Variants in THRB observed in about 807,000 individuals in gnomAD.
The protein encoded by THRB is nuclear receptor subfamily 1 group A member 2.
In THRB, 12 loss-of-function variants were observed where a neutral mutation model predicts 47.8. The ratio of observed to expected loss-of-function variants is 0.25; its 90% CI spans 0.16 to 0.41. The LOEUF (loss-of-function observed/expected upper bound fraction) is 0.41, where lower values mean the gene tolerates loss of function less well. THRB is among the 10% of genes least tolerant of loss of function. The pLI is 1.00. For synonymous variants in THRB, 218 were observed against 212.2 expected, an observed-to-expected ratio of 1.03 and a Z score of -0.24; for missense variants, 348 against 589.2, an observed-to-expected ratio of 0.59 and a Z score of 4.24.
intron 9 of THRB, among the ~76,000 whole-genome samples, chr3:24,130,206 G>T (rs995845523): frequency 6.6e-6 from 1 of 152,146 alleles, no homozygotes; most frequent in Non-Finnish European, 1.5e-5. Flanking sequence ...ACGATATCAG[G>T]GTAGAAGGAG....
intron 4 of THRB, among the ~76,000 whole-genome samples, chr3:24,200,463 T>C (rs984432604): frequency 1.3e-5 from 2 of 152,240 alleles, no homozygotes; most frequent in Admixed American, 6.5e-5. Flanking sequence ...ATTAGATCAA[T>C]GGTATACATC....
At chr3:24,338,770 AT>A (rs1225292340) in intron 1 of THRB, among the ~76,000 whole-genome samples, 1 of 152,218 alleles carries the variant, frequency 6.6e-6, no homozygotes, top group Non-Finnish European at 1.5e-5. Flanking sequence ...AAAAGGAAAA[AT>A]GTATTTATTA....
intron 3 of THRB, among the ~76,000 whole-genome samples, chr3:24,234,665 G>T (rs919424812): frequency 3.3e-5 from 5 of 152,184 alleles, no homozygotes; most frequent in Non-Finnish European, 7.3e-5. Flanking sequence ...AGGGGCAGAA[G>T]AGCTGAACAA....
chr3:24,241,582 C>T (rs964597627), intron 3 of THRB, among the ~76,000 whole-genome samples: 2 of 152,180 alleles, frequency 1.3e-5, no homozygotes, highest in Non-Finnish European at 2.9e-5. Context: ...ATCCAAAGCA[C>T]GTTGCCAATT....
At chr3:24,176,454 C>A (rs2041166810) in intron 5 of THRB, among the ~76,000 whole-genome samples, 1 of 152,050 alleles carries the variant, frequency 6.6e-6, no homozygotes, top group South Asian at 2.1e-4. Flanking sequence ...AATGAATGAA[C>A]AATTGAATCA....
intron 2 of THRB, 105 bp downstream of exon 2, chr3:24,337,195 C>G (rs1234203981): frequency 6.6e-6 from 1 of 152,092 alleles, no homozygotes; most frequent in Non-Finnish European, 1.5e-5. Flanking sequence ...CATTAAATAA[C>G]AACAGCAGCA....
At chr3:24,337,572 C>T (rs900916029) in intron 1 of THRB, among the ~76,000 whole-genome samples, 5 of 152,182 alleles carry the variant, frequency 3.3e-5, no homozygotes, top group Middle Eastern at 3.2e-3. Context: ...GGGACTCTAA[C>T]ACAAGGACTG....
chr3:24,406,530 C>T (rs915888758), intron 1 of THRB, among the ~76,000 whole-genome samples: 4 of 151,198 alleles, frequency 2.6e-5, no homozygotes, highest in Non-Finnish European at 4.4e-5. Flanking sequence ...CTAAATTTGC[C>T]AGAATTTTAC....
chr3:24,320,783 C>A (rs2058434522), intron 2 of THRB, among the ~76,000 whole-genome samples: 1 of 152,084 alleles, frequency 6.6e-6, no homozygotes, highest in African/African-American at 2.4e-5. Flanking sequence ...TTGAACTTAC[C>A]CACCCAACCC....
At chr3:24,302,764 C>T (rs2057041109) in intron 2 of THRB, among the ~76,000 whole-genome samples, 1 of 152,236 alleles carries the variant, frequency 6.6e-6, no homozygotes, top group African/African-American at 2.4e-5. Flanking sequence ...CTTACCTACT[C>T]ATTTATTTTC....
rs564864069 is a variant in THRB at position 24,121,568 on chromosome 3, G to T, written c.*1316C>A. ...GGCACAAGCTATTCTAGCATGGGCCGTTGGGGAGGCAGGTTGGGCAGGAAA... is the reference window on the plus strand; with the variant it reads ...GGCACAAGCTATTCTAGCATGGGCCTTTGGGGAGGCAGGTTGGGCAGGAAA... On this transcript the variant is annotated 3_prime_UTR_variant, in exon 11 of 11. Transcript: ENST00000646209. 2.6e-5 allele frequency: 4 copies of T among 152,636 alleles called. No individual in the cohort carries two copies. Among genetic ancestry groups the T allele is most frequent in the Non-Finnish European group, 5.9e-5 (4 of 68,106 alleles). 9.5% of individuals were successfully genotyped at this position (152,636 alleles called of 1,614,324 possible).
intron 1 of THRB, among the ~76,000 whole-genome samples, chr3:24,416,704 C>A (rs1389628642): frequency 6.6e-6 from 1 of 151,862 alleles, no homozygotes; most frequent in Non-Finnish European, 1.5e-5. Flanking sequence ...GGATAAAATG[C>A]AGTTTCTGAA....
Position 24,121,529 on chromosome 3 carries a change from C to CTGTT in THRB, c.*1351_*1354dup, listed in dbSNP as rs1168108310. On this transcript the variant is annotated 3_prime_UTR_variant, in exon 11 of 11. Coordinates refer to ENST00000646209, the MANE Select transcript of THRB (RefSeq NM_001354712.2). ...CTGACGCTGAAGAGATGAAGTGTCA[C>CTGTT]TGTTTGTTTTCTGGGCACAAGCTAT... 1 of 152,562 alleles carries CTGTT rather than the reference C, an allele frequency of 6.6e-6. No homozygotes were observed. The highest frequency in any genetic ancestry group is 1.5e-5 in the Non-Finnish European group (1 of 68,048). The allele number at this position is 152,562 out of a possible 1,614,324, so 9.5% of individuals were successfully genotyped here. A position where few individuals can be genotyped will look rare whatever the true frequency, so the allele number is the denominator to read the frequency against.
chr3:24,169,303 C>T (rs2040105494), intron 5 of THRB, among the ~76,000 whole-genome samples: 1 of 152,142 alleles, frequency 6.6e-6, no homozygotes, highest in South Asian at 2.1e-4. Flanking sequence ...CATTAAAAGA[C>T]AACTGGTGCA....
chr3:24,492,840 T>C (rs916803338), intron 1 of THRB, among the ~76,000 whole-genome samples: 4 of 152,248 alleles, frequency 2.6e-5, no homozygotes, highest in Non-Finnish European at 5.9e-5. Flanking sequence ...TACCTTTGCA[T>C]TGTAATGCCA....
At chr3:24,449,676 C>T (rs1044956322) in intron 1 of THRB, among the ~76,000 whole-genome samples, 8 of 152,048 alleles carry the variant, frequency 5.3e-5, no homozygotes, top group African/African-American at 1.4e-4. Flanking sequence ...ATAGGGAAGC[C>T]GGTCCAAAGA....
intron 3 of THRB, among the ~76,000 whole-genome samples, chr3:24,240,981 G>A (rs1382197942): frequency 6.6e-6 from 1 of 152,050 alleles, no homozygotes; most frequent in Non-Finnish European, 1.5e-5. Flanking sequence ...TATTTCCAGT[G>A]AACGGCAGCT....
chr3:24,259,567 G>C (rs1371196502), intron 3 of THRB, among the ~76,000 whole-genome samples: 1 of 148,908 alleles, frequency 6.7e-6, no homozygotes, highest in Non-Finnish European at 1.5e-5. Flanking sequence ...CAGCCACTTT[G>C]GTCCAAGTTT....
intron 2 of THRB, among the ~76,000 whole-genome samples, chr3:24,303,695 C>A (rs2057122823): frequency 6.6e-6 from 1 of 152,176 alleles, no homozygotes; most frequent in Non-Finnish European, 1.5e-5. Flanking sequence ...AATTTTACTA[C>A]AAGGAGCCTG....
Sources: gnomAD v4.1 joint callset for allele counts (sites outside exome capture counted in the v4.1 genomes callset) on GRCh38, gnomAD v4.1.1 for gene constraint, MANE v1.5 for transcripts, NCBI Gene and HGNC (gene_info 2026-07-23, HGNC 2026-07-21) for gene names.